Variants in LPO observed in about 807,000 individuals in gnomAD.
The protein encoded by LPO is salivary peroxidase.
LPO carries 70 observed loss-of-function variants against 68.4 expected under a neutral mutation model. The observed-to-expected ratio is 1.02, with a 90% confidence interval of 0.84 to 1.25. LPO has a LOEUF of 1.25. Ranked by LOEUF, LPO falls within the 50% of genes most tolerant of loss-of-function variation. LPO has a pLI of 0.00. For synonymous variants in LPO, 360 were observed against 357.6 expected (o/e 1.01, Z -0.08); for missense variants, 873 against 908.4 (o/e 0.96, Z 0.50).
intron 1 of LPO, among the ~76,000 whole-genome samples, chr17:58,242,497 T>A (rs1969776398): frequency 6.6e-6 from 1 of 152,144 alleles, no homozygotes; most frequent in South Asian, 2.1e-4. Context: ...GAGCAATGCA[T>A]CCTGCAGGGA....
chr17:58,267,222 C>T, intron 11 of LPO, 127 bp from the exon 12 acceptor site: 1 of 663,038 alleles, frequency 1.5e-6, no homozygotes, highest in Non-Finnish European at 2.6e-6. Flanking sequence ...GGATTCCCTC[C>T]TTCCCCATCC....
rs1393223089 is a variant in LPO at position 58,247,485 on chromosome 17, A to G, written c.172A>G (p.Thr58Ala). 1 of 1,612,650 alleles carries G rather than the reference A, an allele frequency of 6.2e-7. No homozygotes were observed. ...AFLDSRTRLK[T>A]AMSSETPTSR... is the part of the protein sequence containing the mutation. ...CATCTCCCTCCACTGTAGGCTGAAG[A>G]CCGCCATGAGCTCTGAGACTCCCAC... Residue 58 changes from threonine to alanine, a missense_variant, in exon 4 of 13, where the codon ACC becomes GCC. Coordinates refer to ENST00000262290, the MANE Select transcript of LPO (RefSeq NM_006151.3).
intron 4 of LPO, among the ~76,000 whole-genome samples, chr17:58,248,209 G>A (rs1969887519): frequency 6.6e-6 from 1 of 152,186 alleles, no homozygotes; most frequent in South Asian, 2.1e-4. Context: ...AAGGGGTTTG[G>A]TCCTGACAGG....
intron 3 of LPO, 73 bp from the exon 4 acceptor site, chr17:58,247,405 C>T: frequency 2.3e-6 from 3 of 1,305,136 alleles, no homozygotes; most frequent in African/African-American, 1.5e-5. Context: ...ACACACCCCT[C>T]CCACCCCTCC....
rs376577514 is a variant in LPO at position 58,245,113 on chromosome 17, C to T, written c.164+1032C>T. Among the ~76,000 whole-genome samples the T allele has an allele frequency of 2.1e-4, 32 of 152,296 alleles. No homozygotes were observed. In the East Asian group the frequency reaches 4.4e-3, roughly 21 times the overall value. On this transcript the variant is annotated intron_variant, in intron 3 of 12. Transcript: ENST00000262290. Reference sequence around the variant, plus strand: ...AACACGCTCTGGACGCTTCTAGTCCCCAGACCAGGATTATCTCAGGAATTA... The same window carrying T: ...AACACGCTCTGGACGCTTCTAGTCCTCAGACCAGGATTATCTCAGGAATTA...
In LPO at chr17:58,254,893, A is replaced by G. The variant is rs1438509200; in HGVS notation, c.1188A>G (p.Glu396=). The G allele has an allele frequency of 6.2e-7, 1 of 1,614,116 alleles. No homozygotes were observed. The highest frequency in any genetic ancestry group is 1.1e-5 in the South Asian group (1 of 91,078). The change falls in exon 9 of 13, where the codon GAA becomes GAG. Residue 396 remains glutamate, a synonymous_variant. Coordinates refer to ENST00000262290, the MANE Select transcript of LPO (RefSeq NM_006151.3). ...GCGAGCATAACCGGCTGGCCAGAGAACTAAAGAGACTCAACCCTCAGTGGG... is the reference window on the plus strand; with the variant it reads ...GCGAGCATAACCGGCTGGCCAGAGAGCTAAAGAGACTCAACCCTCAGTGGG... ...FLREHNRLAR[E]LKRLNPQWDG...
Position 58,254,942 on chromosome 17 carries a change from G to C in LPO, c.1237G>C (p.Ala413Pro), listed in dbSNP as rs1332188073. 6.2e-7 allele frequency: 1 copy of C among 1,614,084 alleles called. No homozygotes were observed. The change falls in exon 9 of 13, where the codon GCC becomes CCC. Residue 413 changes from alanine to proline, a missense_variant. By Grantham distance (27) the Ala-to-Pro change is conservative (BLOSUM62 -1). Transcript: ENST00000262290. ...GGATGGAGAGAAGCTCTACCAGGAA[G>C]CCCGGAAAATCCTGGGAGCCTTCGT... ...QWDGEKLYQEARKILGAFVQI... is the reference protein window; with the variant it reads ...QWDGEKLYQEPRKILGAFVQI...
intron 8 of LPO, among the ~76,000 whole-genome samples, chr17:58,254,071 C>A (rs536937603): frequency 1.3e-5 from 2 of 151,780 alleles, no homozygotes; most frequent in Non-Finnish European, 2.9e-5. Context: ...AAGATAATGC[C>A]ATTGCACTCC....
chr17:58,265,772 GC>G (rs1970251411), intron 10 of LPO, among the ~76,000 whole-genome samples: 1 of 151,244 alleles, frequency 6.6e-6, no homozygotes, highest in South Asian at 2.1e-4. Flanking sequence ...TTTTTCAGAG[GC>G]GGGGTTTTGC....
At chr17:58,241,998 T>TAGTG (rs1489681131) in intron 1 of LPO, among the ~76,000 whole-genome samples, 1 of 152,164 alleles carries the variant, frequency 6.6e-6, no homozygotes, top group East Asian at 1.9e-4. Flanking sequence ...CTGCTCTCCT[T>TAGTG]AGTGTGCTTC....
intron 3 of LPO, 53 bp downstream of exon 3, chr17:58,244,134 T>TC: frequency 9.4e-7 from 1 of 1,064,770 alleles, no homozygotes; most frequent in South Asian, 1.5e-5. Context: ...CACACACACT[T>TC]CCCTTCACAG....
At chr17:58,240,751 T>C (rs1280395210) in intron 1 of LPO, among the ~76,000 whole-genome samples, 3 of 152,240 alleles carry the variant, frequency 2.0e-5, no homozygotes, top group Non-Finnish European at 4.4e-5. Flanking sequence ...TCTTCTTCTA[T>C]GATTTTGTCT....
At chr17:58,246,874 C>A (rs923387725) in intron 3 of LPO, among the ~76,000 whole-genome samples, 1 of 152,154 alleles carries the variant, frequency 6.6e-6, no homozygotes, top group African/African-American at 2.4e-5. Context: ...AATGATGAAA[C>A]AACATGGTTC....
At position 58,265,043 on chromosome 17, in the gene LPO, G is replaced by A. The variant is rs1970238032; in HGVS notation, c.1519+69G>A. 6.3e-6 allele frequency: 10 copies of A among 1,582,936 alleles called. No homozygotes were observed. In the Admixed American group the frequency reaches 1.2e-4, roughly 19 times the overall value. On this transcript the variant is annotated intron_variant, in intron 10 of 12. Coordinates refer to ENST00000262290, the MANE Select transcript of LPO (RefSeq NM_006151.3). ...CGCAGCCTATTGTAGGGAAACTTGG[G>A]TTGGAAGTCAGATTCCAAGCACTTT...
intron 9 of LPO, among the ~76,000 whole-genome samples, chr17:58,262,575 T>C (rs906919016): frequency 6.6e-6 from 1 of 152,130 alleles, no homozygotes. Context: ...GTATTTTTAG[T>C]AGAGACAGGA....
At chr17:58,258,553 A>ACTTGAAG (rs1174485657) in intron 9 of LPO, among the ~76,000 whole-genome samples, 4 of 152,196 alleles carry the variant, frequency 2.6e-5, no homozygotes, top group Non-Finnish European at 5.9e-5. Context: ...GCTCTGTACT[A>ACTTGAAG]TAACTTGAAG....
In LPO at chr17:58,243,037, G is replaced by T. The variant is rs765177704; in HGVS notation, c.58G>T (p.Ala20Ser). The change falls in exon 2 of 13, where the codon GCA becomes TCA. Residue 20 changes from alanine (A) to serine (S), a missense_variant. Physicochemically the swap from Ala to Ser is moderately conservative, Grantham distance 99. Transcript: ENST00000262290. ...LLASLILLQAAASTTRAQTTR... is the reference protein window; with the variant it reads ...LLASLILLQASASTTRAQTTR... ...GGCTTCCCTCATCTTGCTTCAGGCTGCAGCATCTACCACAAGAGGTGAGTG... is the reference window on the plus strand; with the variant it reads ...GGCTTCCCTCATCTTGCTTCAGGCTTCAGCATCTACCACAAGAGGTGAGTG... The T allele has an allele frequency of 2.5e-6, 4 of 1,613,856 alleles. No homozygotes were observed. Among genetic ancestry groups the T allele is most frequent in the South Asian group, 2.2e-5 (2 of 91,084 alleles).
rs1969975474 is a variant in LPO, at chr17:58,252,352, C to T, written c.951C>T (p.Ala317=). 6.2e-7 allele frequency: 1 copy of T among 1,614,074 alleles called. No homozygotes were observed. The highest frequency in any genetic ancestry group is 1.1e-5 in the South Asian group (1 of 91,082). ...TGTACAGCTCCGAGCCAAGCCTGGCCAGCCGCCTCCGCAACCTCAGCAGCC... is the reference window on the plus strand; with the variant it reads ...TGTACAGCTCCGAGCCAAGCCTGGCTAGCCGCCTCCGCAACCTCAGCAGCC... ...SFVYSSEPSL[A]SRLRNLSSPL... Residue 317 remains alanine (A), a synonymous_variant, in exon 8 of 13, where the codon GCC becomes GCT. Coordinates refer to ENST00000262290, the MANE Select transcript of LPO (RefSeq NM_006151.3).
chr17:58,253,659 A>G (rs1970006657), intron 8 of LPO, among the ~76,000 whole-genome samples: 1 of 152,124 alleles, frequency 6.6e-6, no homozygotes, highest in Admixed American at 6.5e-5. Context: ...CCCCCTGGCC[A>G]CCCTGACATT....
Sources: allele counts gnomAD v4.1 joint callset (sites outside exome capture counted in the v4.1 genomes callset), GRCh38; gene constraint gnomAD v4.1.1; transcripts MANE v1.5; gene names NCBI Gene and HGNC (gene_info 2026-07-23, HGNC 2026-07-21).